Variants in MACROD2 observed in about 807,000 individuals in gnomAD.
The protein encoded by MACROD2 is ADP-ribose glycohydrolase MACROD2.
A neutral mutation model predicts 70.4 loss-of-function variants in MACROD2; 36 were observed. The observed-to-expected ratio is 0.51, with a 90% confidence interval of 0.39 to 0.68. The LOEUF (loss-of-function observed/expected upper bound fraction) is 0.68. MACROD2 is among the 30% of genes least tolerant of loss of function. The pLI, the probability that MACROD2 is intolerant of heterozygous loss-of-function variation, is 0.00. For missense variants in MACROD2, 496 were observed against 538.4 expected, an observed-to-expected ratio of 0.92 and a Z score of 0.78; for synonymous variants, 172 against 178.8, an observed-to-expected ratio of 0.96 and a Z score of 0.30.
At chr20:14,642,339 A>G (rs1985140793) in intron 4 of MACROD2, among the ~76,000 whole-genome samples, 1 of 152,144 alleles carries the variant, frequency 6.6e-6, no homozygotes, top group Non-Finnish European at 1.5e-5. Flanking sequence ...TCTCCGTATC[A>G]GCAGTAAAGG....
At chr20:14,313,911 AC>A (rs1398975324) in intron 3 of MACROD2, among the ~76,000 whole-genome samples, 41 of 152,304 alleles carry the variant, frequency 2.7e-4, no homozygotes, top group African/African-American at 9.4e-4. Flanking sequence ...TAAATACAAG[AC>A]TATAGTTGCC....
chr20:14,851,545 C>G (rs936276022), intron 5 of MACROD2, among the ~76,000 whole-genome samples: 16 of 152,012 alleles, frequency 1.1e-4, no homozygotes, highest in African/African-American at 3.9e-4. Context: ...TTGATTCAAC[C>G]AACATTTATT....
chr20:14,996,540 G>A (rs921579789), intron 5 of MACROD2, among the ~76,000 whole-genome samples: 5 of 152,136 alleles, frequency 3.3e-5, no homozygotes, highest in East Asian at 1.9e-4. Flanking sequence ...CATGAGAACC[G>A]AAAATTAGGT....
chr20:15,284,701 G>A (rs2077475999), intron 6 of MACROD2, among the ~76,000 whole-genome samples: 1 of 152,140 alleles, frequency 6.6e-6, no homozygotes, highest in South Asian at 2.1e-4. Flanking sequence ...AATGTATGCT[G>A]TAGGTAACCC....
chr20:15,569,913 T>C (rs2048355257), intron 8 of MACROD2, among the ~76,000 whole-genome samples: 1 of 152,188 alleles, frequency 6.6e-6, no homozygotes, highest in Non-Finnish European at 1.5e-5. Flanking sequence ...GTTGATTCCA[T>C]ATCTTGGGTA....
chr20:14,943,234 C>T (rs2074404836), intron 5 of MACROD2, among the ~76,000 whole-genome samples: 1 of 152,062 alleles, frequency 6.6e-6, no homozygotes, highest in African/African-American at 2.4e-5. Flanking sequence ...GGGTTGCAGG[C>T]AACTGATGAG....
Position 14,880,551 on chromosome 20 carries a change from G to A in MACROD2, c.418+195592G>A, listed in dbSNP as rs995639298. Among the ~76,000 whole-genome samples the A allele has an allele frequency of 2.0e-5, 3 of 152,106 alleles. No homozygotes were observed. In the South Asian group the frequency reaches 6.2e-4, roughly 32 times the overall value. ...TGCATCTGACATGGCTAAAACACAG[G>A]GACCTCTCTAAAGAGTGTGAGGGCA... On this transcript the variant is annotated intron_variant, in intron 5 of 17. Transcript: ENST00000684519.
chr20:14,874,546 G>A lies in MACROD2; in HGVS notation c.418+189587G>A, dbSNP rs535488657. On this transcript the variant is annotated intron_variant, in intron 5 of 17. Coordinates refer to ENST00000684519, the MANE Select transcript of MACROD2 (RefSeq NM_001351661.2). ...GAATAAGCAAGCATTGAGCAAGATA[G>A]AAATAATTTTGCTTCAGGTTATCAT... is the stretch of plus-strand genomic sequence containing the variant. Among the ~76,000 whole-genome samples, 69 of 151,746 alleles carry A rather than the reference G, an allele frequency of 4.5e-4. 1 individual carries two copies. The highest frequency in any genetic ancestry group is 1.5e-3 in the African/African-American group (63 of 41,444).
chr20:14,799,713 T>G (rs1301885623), intron 5 of MACROD2, among the ~76,000 whole-genome samples: 1 of 152,024 alleles, frequency 6.6e-6, no homozygotes, highest in Non-Finnish European at 1.5e-5. Flanking sequence ...ACATTAAGTA[T>G]ATTAGGTAAC....
intron 3 of MACROD2, among the ~76,000 whole-genome samples, chr20:14,174,411 T>G (rs2081247283): frequency 6.6e-6 from 1 of 152,112 alleles, no homozygotes; most frequent in Middle Eastern, 3.2e-3. Context: ...GGATTATGGC[T>G]TCCTCTGCTG....
At chr20:14,951,408 G>A (rs1209889548) in intron 5 of MACROD2, among the ~76,000 whole-genome samples, 2 of 152,094 alleles carry the variant, frequency 1.3e-5, no homozygotes, top group Non-Finnish European at 2.9e-5. Context: ...CACCTCCTTT[G>A]ATCAATGAGT....
intron 5 of MACROD2, among the ~76,000 whole-genome samples, chr20:14,932,520 C>T (rs1725606224): frequency 6.6e-6 from 1 of 152,116 alleles, no homozygotes; most frequent in South Asian, 2.1e-4. Context: ...CATGTATACC[C>T]AAATTCCAAG....
intron 3 of MACROD2, among the ~76,000 whole-genome samples, chr20:14,163,542 T>G (rs1189048157): frequency 1.3e-5 from 2 of 152,094 alleles, no homozygotes; most frequent in Admixed American, 6.5e-5. Context: ...AAATAGGTTT[T>G]CTGACTCTCT....
chr20:15,642,047 A>G (rs1040636920), intron 8 of MACROD2, among the ~76,000 whole-genome samples: 1 of 152,236 alleles, frequency 6.6e-6, no homozygotes, highest in African/African-American at 2.4e-5. Context: ...ATCCAGAGAC[A>G]GTTGAGAAAA....
intron 5 of MACROD2, among the ~76,000 whole-genome samples, chr20:15,218,402 A>G (rs919479057): frequency 6.6e-6 from 1 of 152,156 alleles, no homozygotes; most frequent in African/African-American, 2.4e-5. Flanking sequence ...CTCTGCTTTC[A>G]TGTCAGCTGA....
chr20:14,665,714 C>G (rs1336451484), intron 4 of MACROD2, among the ~76,000 whole-genome samples: 1 of 152,014 alleles, frequency 6.6e-6, no homozygotes, highest in African/African-American at 2.4e-5. Flanking sequence ...CTCAACCTAT[C>G]TTTACTAGCA....
chr20:15,106,877 C>T (rs1193368922), intron 5 of MACROD2, among the ~76,000 whole-genome samples: 1 of 151,488 alleles, frequency 6.6e-6, no homozygotes, highest in Non-Finnish European at 1.5e-5. Context: ...GAACATTTAA[C>T]CACTGGTAAA....
chr20:16,029,512 A>G (rs769883825), intron 15 of MACROD2, among the ~76,000 whole-genome samples: 4 of 152,222 alleles, frequency 2.6e-5, no homozygotes, highest in African/African-American at 9.7e-5. Flanking sequence ...AAGTATCATC[A>G]ACAAAAACAG....
At chr20:14,579,127 C>CTTTTTTTTT (rs71190141) in intron 4 of MACROD2, among the ~76,000 whole-genome samples, 4 of 74,352 alleles carry the variant, frequency 5.4e-5, no homozygotes, top group Non-Finnish European at 6.9e-5. Flanking sequence ...GTATCCAATT[C>CTTTTTTTTT]TTTTTTTTTT....
Sources: gnomAD v4.1 joint callset for allele counts (sites outside exome capture counted in the v4.1 genomes callset) on GRCh38, gnomAD v4.1.1 for gene constraint, MANE v1.5 for transcripts, NCBI Gene and HGNC (gene_info 2026-07-23, HGNC 2026-07-21) for gene names.